The following FGF16 variants were observed in gnomAD, a reference collection of about 807,000 sequenced individuals.
FGF16 encodes metacarpal 4-5 fusion.
Under a neutral mutation model 8.5 loss-of-function variants are expected in FGF16, and 2 were observed. The observed-to-expected ratio is 0.24, with a 90% CI of 0.10 to 0.75. FGF16 has a LOEUF of 0.75. Among genes scored for constraint, FGF16 ranks in the 30% least tolerant of loss-of-function variants. FGF16 has a pLI of 0.74. For synonymous variants in FGF16, 33 were observed against 34.6 expected (o/e 0.95, Z 0.16); for missense variants, 79 against 87.4 (o/e 0.90, Z 0.38).
Position 77,454,270 on chromosome X carries a change from A to AT in FGF16, c.378+10_378+11insT. On this transcript the variant is annotated intron_variant, in intron 2 of 2. Transcript: ENST00000439435. Reference sequence around the variant, plus strand: ...AGAACTCTATGGGTCGGTAAGTTTAAGGTTTTTTTTTTTTTTTTTTTTTTT... The same window carrying AT: ...AGAACTCTATGGGTCGGTAAGTTTAATGGTTTTTTTTTTTTTTTTTTTTTTT... The AT allele has an allele frequency of 4.4e-6, 1 of 227,644 alleles. No individual in the cohort carries two copies. Among genetic ancestry groups the AT allele is most frequent in the Non-Finnish European group, 7.6e-6 (1 of 130,795 alleles). 18.8% of individuals were successfully genotyped at this position (227,644 alleles called of 1,213,427 possible).
chrX:77,453,318 G>A (rs183452839), intron 1 of FGF16, among the ~76,000 whole-genome samples: 1 of 111,502 alleles, frequency 9.0e-6, no homozygotes, highest in African/African-American at 3.3e-5. Context: ...TCAGTTCTGG[G>A]TCCTTTTTCT....
chrX:77,451,836 C>G (rs2062557923), intron 1 of FGF16, among the ~76,000 whole-genome samples: 1 of 112,181 alleles, frequency 8.9e-6, no homozygotes, highest in Non-Finnish European at 1.9e-5. Context: ...TTCCCCATTG[C>G]AGAGATGGGT....
chrX:77,457,181 G>C lies in FGF16; in HGVS notation c.*659G>C, dbSNP rs1469094016. 9.0e-6 allele frequency: 1 copy of C among 111,542 alleles called. No homozygotes were observed. Among genetic ancestry groups the C allele is most frequent in the Non-Finnish European group, 1.9e-5 (1 of 53,072 alleles). 9.2% of individuals were successfully genotyped at this position (111,542 alleles called of 1,213,427 possible). The stretch of plus-strand genomic sequence containing the variant: ...TTTATTTTTAATGAGAGATGCGATG[G>C]CTGGATTTTCATCAGAAAGAATAAG... On this transcript the variant is annotated 3_prime_UTR_variant, in exon 3 of 3. Coordinates refer to ENST00000439435, the MANE Select transcript of FGF16 (RefSeq NM_003868.3).
intron 1 of FGF16, among the ~76,000 whole-genome samples, chrX:77,450,628 C>T (rs1170323752): frequency 3.6e-5 from 4 of 112,357 alleles, no homozygotes; most frequent in Middle Eastern, 4.6e-3. Flanking sequence ...AGCACTGTCT[C>T]GGCCCCAAAG....
intron 1 of FGF16, among the ~76,000 whole-genome samples, chrX:77,450,921 C>T (rs1557026629): frequency 8.9e-6 from 1 of 111,907 alleles, no homozygotes; most frequent in African/African-American, 3.3e-5. Context: ...CACCTCAACA[C>T]TTTGCTGTTA....
At chrX:77,449,040 C>T (rs981377113) in intron 1 of FGF16, among the ~76,000 whole-genome samples, 1 of 110,927 alleles carries the variant, frequency 9.0e-6, no homozygotes, top group African/African-American at 3.3e-5. Context: ...TCCCACCCTC[C>T]TTCTTGCCAA....
In FGF16 at chrX:77,447,595, G is replaced by T. The variant is rs907576673; in HGVS notation, c.-80G>T. The T allele has an allele frequency of 6.8e-6, 2 of 293,007 alleles. No individual in the cohort carries two copies. Among genetic ancestry groups the T allele is most frequent in the Non-Finnish European group, 1.2e-5 (2 of 167,811 alleles). The allele number at this position is 293,007 out of a possible 1,213,427, so 24.1% of individuals were successfully genotyped here. A position where few individuals can be genotyped will look rare whatever the true frequency, so the allele number is the denominator to read the frequency against. On this transcript the variant is annotated 5_prime_UTR_variant, in exon 1 of 3. Coordinates refer to ENST00000439435, the MANE Select transcript of FGF16 (RefSeq NM_003868.3). ...CCGCCGAACCGCCCGCGCCCGCTGC[G>T]GGGAGAGGCAGTTCGCGCCCCGTGG... is the stretch of plus-strand genomic sequence containing the variant.
chrX:77,449,743 C>A (rs1557026539), intron 1 of FGF16, among the ~76,000 whole-genome samples: 1 of 111,879 alleles, frequency 8.9e-6, no homozygotes, highest in Non-Finnish European at 1.9e-5. Context: ...TTTCATTTCC[C>A]AGGTCTGCTA....
At chrX:77,454,550 G>A (rs1277025595) in intron 2 of FGF16, among the ~76,000 whole-genome samples, 1 of 104,860 alleles carries the variant, frequency 9.5e-6, no homozygotes, top group Non-Finnish European at 1.9e-5. Context: ...AGCTACTCAG[G>A]AGGCTGAGGC....
chrX:77,454,378 T>C (rs1378006675), intron 2 of FGF16, 118 bp downstream of exon 2: 1 of 429,843 alleles, frequency 2.3e-6, no homozygotes, highest in African/African-American at 2.8e-5. Context: ...GGACCAGGCA[T>C]GGTGGCTCAC....
intron 2 of FGF16, among the ~76,000 whole-genome samples, chrX:77,455,196 T>C (rs1265064861): frequency 8.9e-6 from 1 of 112,255 alleles, no homozygotes; most frequent in African/African-American, 3.2e-5. Flanking sequence ...GGTTTGGCAG[T>C]AGATGGTCAG....
rs1188077408 is a variant in FGF16 at position 77,447,553 on chromosome X, G to A, written c.-122G>A. On this transcript the variant is annotated 5_prime_UTR_variant, in exon 1 of 3. Coordinates refer to ENST00000439435, the MANE Select transcript of FGF16 (RefSeq NM_003868.3). Reference sequence around the variant, plus strand: ...CAGCTCGGCAGAGCGCGGAGCAAGCGAGCTAGCGAGGGAGCGCCGCCGAAC... The same window carrying A: ...CAGCTCGGCAGAGCGCGGAGCAAGCAAGCTAGCGAGGGAGCGCCGCCGAAC... The A allele has an allele frequency of 1.1e-5, 3 of 285,159 alleles. No homozygotes were observed. The highest frequency in any genetic ancestry group is 5.5e-5 in the African/African-American group (2 of 36,073). 23.5% of individuals were successfully genotyped at this position (285,159 alleles called of 1,213,427 possible). A position where few individuals can be genotyped will look rare whatever the true frequency, so the allele number is the denominator to read the frequency against.
chrX:77,456,778 T>C lies in FGF16; in HGVS notation c.*256T>C. 1 of 260,542 alleles carries C rather than the reference T, an allele frequency of 3.8e-6. No individual in the cohort carries two copies. Among genetic ancestry groups the C allele is most frequent in the Non-Finnish European group, 6.8e-6 (1 of 147,221 alleles). The allele number at this position is 260,542 out of a possible 1,213,427, so 21.5% of individuals were successfully genotyped here. A position where few individuals can be genotyped will look rare whatever the true frequency, so the allele number is the denominator to read the frequency against. On this transcript the variant is annotated 3_prime_UTR_variant, in exon 3 of 3. Transcript: ENST00000439435. ...TTTTCTTTACTCATGTTCCTTCCCC[T>C]GAGGTAGCATAACAAAGAATGGGAG... is the stretch of plus-strand genomic sequence containing the variant.
intron 1 of FGF16, among the ~76,000 whole-genome samples, chrX:77,451,432 G>A (rs2062556893): frequency 8.9e-6 from 1 of 112,228 alleles, no homozygotes; most frequent in African/African-American, 3.2e-5. Context: ...AGGCTCCCAC[G>A]TTAGTGTCCC....
rs2062574225 is a variant in FGF16 at position 77,456,867 on chromosome X, A to G, written c.*345A>G. The G allele has an allele frequency of 6.8e-6, 1 of 147,266 alleles. No homozygotes were observed. The highest frequency in any genetic ancestry group is 1.3e-5 in the Non-Finnish European group (1 of 76,325). 12.1% of individuals were successfully genotyped at this position (147,266 alleles called of 1,213,427 possible). On this transcript the variant is annotated 3_prime_UTR_variant, in exon 3 of 3. Coordinates refer to ENST00000439435, the MANE Select transcript of FGF16 (RefSeq NM_003868.3). ...ACTCAAATACCTTGACAATGGGTAT[A>G]AATGAAAGGCCAAGGAATCTGCCAC...
In FGF16 at chrX:77,456,381, T is replaced by C. The variant is rs369332185; in HGVS notation, c.483T>C (p.Tyr161=). 1 of 1,210,811 alleles carries C rather than the reference T, an allele frequency of 8.3e-7. No homozygotes were observed. The highest frequency in any genetic ancestry group is 1.1e-6 in the Non-Finnish European group (1 of 894,692). The change falls in exon 3 of 3, where the codon TAT becomes TAC. Residue 161 remains tyrosine, a synonymous_variant. Transcript: ENST00000439435. ...LYKHSDSERQ[Y]YVALNKDGSP... is the part of the protein sequence containing the mutation. ...AACATTCGGACTCAGAGAGACAGTA[T>C]TACGTGGCCCTGAACAAAGATGGCT... is the stretch of plus-strand genomic sequence containing the variant.
chrX:77,450,503 C>A (rs781847645), intron 1 of FGF16, among the ~76,000 whole-genome samples: 1 of 112,641 alleles, frequency 8.9e-6, no homozygotes, highest in Admixed American at 9.4e-5. Context: ...ACTGGCAGAG[C>A]AGAGCTTGGG....
chrX:77,451,856 T>G (rs954762811), intron 1 of FGF16, among the ~76,000 whole-genome samples: 11 of 112,349 alleles, frequency 9.8e-5, no homozygotes, highest in Non-Finnish European at 2.1e-4. Context: ...TAGACTTGCG[T>G]GTAATTAAAA....
Position 77,456,410 on chromosome X carries a change from C to A in FGF16, c.512C>A (p.Pro171His). Residue 171 changes from proline (P) to histidine (H), a missense_variant, in exon 3 of 3, where the codon CCC becomes CAC. Physicochemically the swap from Pro to His is moderately conservative, Grantham distance 77. Coordinates refer to ENST00000439435, the MANE Select transcript of FGF16 (RefSeq NM_003868.3). ...GTGGCCCTGAACAAAGATGGCTCAC[C>A]CCGGGAGGGATACAGGACTAAACGA... Reference protein sequence around the residue: ...YYVALNKDGSPREGYRTKRHQ... With the variant: ...YYVALNKDGSHREGYRTKRHQ... 8.3e-7 allele frequency: 1 copy of A among 1,210,080 alleles called. No homozygotes were observed. The highest frequency in any genetic ancestry group is 1.1e-6 in the Non-Finnish European group (1 of 894,302).
Sources: gnomAD v4.1 joint callset for allele counts (sites outside exome capture counted in the v4.1 genomes callset) on GRCh38, gnomAD v4.1.1 for gene constraint, MANE v1.5 for transcripts, NCBI Gene and HGNC (gene_info 2026-07-23, HGNC 2026-07-21) for gene names.